Variants in RERE observed in about 807,000 individuals in gnomAD.
The protein encoded by RERE is arginine-glutamic acid dipeptide repeats protein.
RERE carries 40 observed loss-of-function variants against 146.1 expected under a neutral mutation model. That is an observed-to-expected ratio of 0.27 (90% CI 0.21 to 0.36). The LOEUF (loss-of-function observed/expected upper bound fraction) is 0.36. Among genes scored for constraint, RERE ranks in the 10% least tolerant of loss-of-function variants. The pLI, the probability that RERE is intolerant of heterozygous loss-of-function variation, is 1.00. For missense variants in RERE, 1,933 were observed against 2,138.7 expected (o/e 0.90, Z 1.90); for synonymous variants, 1,003 against 866.0 (o/e 1.16, Z -2.78).
At chr1:8,786,706 G>A in intron 1 of RERE, 1 of 787,540 alleles carries the variant, frequency 1.3e-6, no homozygotes, top group Non-Finnish European at 2.3e-6. Context: ...GAAGTTGCCA[G>A]CTTTTCTTGC....
At chr1:8,512,850 C>T (rs920263614) in intron 7 of RERE, 5 of 152,426 alleles carry the variant, frequency 3.3e-5, no homozygotes, top group African/African-American at 1.2e-4. Flanking sequence ...ACCAGATCCT[C>T]GATCTTTAGG....
intron 1 of RERE, among the ~76,000 whole-genome samples, chr1:8,787,689 G>C: frequency 6.6e-6 from 1 of 151,950 alleles, no homozygotes; most frequent in Non-Finnish European, 1.5e-5. Context: ...AAATTAGCCA[G>C]GCGTCGTGGT....
At chr1:8,630,879 C>A (rs1011952415) in intron 2 of RERE, among the ~76,000 whole-genome samples, 36 of 152,188 alleles carry the variant, frequency 2.4e-4, no homozygotes, top group African/African-American at 8.4e-4. Context: ...CTTAAGGATT[C>A]TAAACTTGGT....
chr1:8,639,519 T>C (rs1369107592), intron 2 of RERE, among the ~76,000 whole-genome samples: 1 of 152,214 alleles, frequency 6.6e-6, no homozygotes, highest in Admixed American at 6.5e-5. Flanking sequence ...GAGAATAAAC[T>C]GGAAATCAAG....
intron 11 of RERE, among the ~76,000 whole-genome samples, chr1:8,453,339 G>A (rs1416163922): frequency 1.3e-5 from 2 of 152,194 alleles, no homozygotes; most frequent in African/African-American, 4.8e-5. Context: ...CACTCTTTAA[G>A]CTGCTCTGAG....
At position 8,494,202 on chromosome 1, in the gene RERE, T is replaced by G. The variant is rs367744247; in HGVS notation, c.1104+861A>C. On this transcript the variant is annotated intron_variant, in intron 10 of 22. Transcript: ENST00000400908. ...TAGAAATTATTCGTGTAAAACTTTT[T>G]ATAGTCATGTAAAATATTAACATGT... Among the ~76,000 whole-genome samples the G allele has an allele frequency of 1.8e-4, 28 of 152,352 alleles. No homozygotes were observed. The East Asian group carries it at 3.5e-3, about 19-fold the overall frequency.
chr1:8,401,889 C>T (rs1643273451), intron 12 of RERE, among the ~76,000 whole-genome samples: 1 of 151,942 alleles, frequency 6.6e-6, no homozygotes, highest in African/African-American at 2.4e-5. Context: ...TTTTTTGAGA[C>T]AGAGTCTTGC....
intron 1 of RERE, among the ~76,000 whole-genome samples, chr1:8,792,206 G>C (rs951703451): frequency 2.0e-5 from 3 of 152,132 alleles, no homozygotes; most frequent in Admixed American, 6.6e-5. Context: ...AATTGAAAGA[G>C]TATCAAGCAT....
chr1:8,549,008 A>G (rs957284306), intron 6 of RERE, among the ~76,000 whole-genome samples: 4 of 152,142 alleles, frequency 2.6e-5, no homozygotes, highest in Non-Finnish European at 5.9e-5. Context: ...AAAATCTTCT[A>G]GTGTTGGACT....
intron 1 of RERE, among the ~76,000 whole-genome samples, chr1:8,727,150 G>T (rs1390209051): frequency 6.7e-6 from 1 of 149,560 alleles, no homozygotes; most frequent in Non-Finnish European, 1.5e-5. Flanking sequence ...TTTGGAGGGC[G>T]CGGGGTGGGG....
At chr1:8,733,036 T>G (rs1238548866) in intron 1 of RERE, among the ~76,000 whole-genome samples, 2 of 151,874 alleles carry the variant, frequency 1.3e-5, no homozygotes, top group African/African-American at 4.8e-5. Context: ...TTAGCCAGGA[T>G]GGTCTCAATC....
chr1:8,410,280 A>G (rs1643577543), intron 12 of RERE, among the ~76,000 whole-genome samples: 1 of 152,060 alleles, frequency 6.6e-6, no homozygotes, highest in Admixed American at 6.5e-5. Context: ...ATCAATTTTT[A>G]CAAAGGGCCG....
chr1:8,606,928 G>A (rs1201918484), intron 4 of RERE, among the ~76,000 whole-genome samples: 2 of 152,050 alleles, frequency 1.3e-5, no homozygotes, highest in Non-Finnish European at 2.9e-5. Context: ...CCAGGCACCA[G>A]GCATAATAAT....
intron 1 of RERE, among the ~76,000 whole-genome samples, chr1:8,808,332 G>C (rs1027490617): frequency 6.6e-6 from 1 of 152,014 alleles, no homozygotes; most frequent in Non-Finnish European, 1.5e-5. Flanking sequence ...ACCTCAAAGA[G>C]AATCTATTCA....
At chr1:8,580,781 C>T (rs532868458) in intron 4 of RERE, among the ~76,000 whole-genome samples, 15 of 151,206 alleles carry the variant, frequency 9.9e-5, no homozygotes, top group Admixed American at 3.9e-4. Context: ...GGTGTGATCT[C>T]GGCTCACTGC....
At chr1:8,692,367 A>G (rs2124420405) in intron 1 of RERE, among the ~76,000 whole-genome samples, 1 of 145,326 alleles carries the variant, frequency 6.9e-6, no homozygotes, top group South Asian at 2.2e-4. Flanking sequence ...TTTTTTTTTG[A>G]GATGGAGTCT....
chr1:8,436,149 A>G (rs1033685710), intron 11 of RERE, among the ~76,000 whole-genome samples: 7 of 151,870 alleles, frequency 4.6e-5, no homozygotes, highest in Non-Finnish European at 1.0e-4. Flanking sequence ...TGAAACCCCA[A>G]CTCTACTAAA....
At chr1:8,653,694 CA>C (rs775354970) in intron 2 of RERE, among the ~76,000 whole-genome samples, 1,368 of 45,908 alleles carry the variant, frequency 0.03, 3 homozygotes, top group African/African-American at 0.047. Context: ...GACTCCACCT[CA>C]AAAAAAAAAA....
intron 1 of RERE, among the ~76,000 whole-genome samples, chr1:8,761,224 T>C (rs960223535): frequency 6.6e-6 from 1 of 152,210 alleles, no homozygotes; most frequent in Non-Finnish European, 1.5e-5. Flanking sequence ...ACTGGAGGAT[T>C]TTCAGGTTTT....
Sources: allele counts gnomAD v4.1 joint callset (sites outside exome capture counted in the v4.1 genomes callset), GRCh38; gene constraint gnomAD v4.1.1; transcripts MANE v1.5; gene names NCBI Gene and HGNC (gene_info 2026-07-23, HGNC 2026-07-21).